Variants in GRID1 observed in about 807,000 individuals in gnomAD.
GRID1 encodes the protein glutamate ionotropic receptor delta type subunit 1.
Under a neutral mutation model 98.0 loss-of-function variants are expected in GRID1, and 28 were observed. The observed-to-expected ratio is 0.29, with a 90% CI of 0.21 to 0.39. GRID1 has a LOEUF of 0.39. GRID1 is among the 10% of genes least tolerant of loss of function. GRID1 has a pLI of 1.00. For synonymous variants in GRID1, 553 were observed against 538.5 expected, an observed-to-expected ratio of 1.03 and a Z score of -0.37; for missense variants, 1,111 against 1,340.5, an observed-to-expected ratio of 0.83 and a Z score of 2.67.
In GRID1 at chr10:85,599,788, T is replaced by TAAAAAAAAA. The variant is rs1220249442; in HGVS notation, c.*2476_*2484dup. 1 of 76,114 alleles carries TAAAAAAAAA rather than the reference T, an allele frequency of 1.3e-5. No homozygotes were observed. The highest frequency in any genetic ancestry group is 2.2e-5 in the Non-Finnish European group (1 of 44,664). The allele number at this position is 76,114 out of a possible 1,614,324, so 4.7% of individuals were successfully genotyped here. ...CCCTCATGCCAAGGGTAGAAAATTC[T>TAAAAAAAAA]AAAAAAAAAAAAAAATATATATATA... On this transcript the variant is annotated 3_prime_UTR_variant, in exon 16 of 16. Transcript: ENST00000327946.
At chr10:85,756,284 C>T (rs1309847110) in intron 8 of GRID1, among the ~76,000 whole-genome samples, 6 of 152,128 alleles carry the variant, frequency 3.9e-5, no homozygotes, top group South Asian at 2.1e-4. Context: ...ATAGAAGATT[C>T]GTTCTCGCCG....
chr10:86,281,756 A>G (rs1276882048), intron 2 of GRID1, among the ~76,000 whole-genome samples: 1 of 152,144 alleles, frequency 6.6e-6, no homozygotes, highest in Non-Finnish European at 1.5e-5. Context: ...CCCATGTCCC[A>G]TCTCCAGAAA....
At chr10:86,311,264 A>G (rs1847828227) in intron 2 of GRID1, among the ~76,000 whole-genome samples, 1 of 152,200 alleles carries the variant, frequency 6.6e-6, no homozygotes, top group Admixed American at 6.5e-5. Context: ...ACAGACTCAG[A>G]CTGTCAGACG....
At chr10:86,224,270 G>GCC (rs1292368323) in intron 2 of GRID1, among the ~76,000 whole-genome samples, 1 of 152,138 alleles carries the variant, frequency 6.6e-6, no homozygotes, top group African/African-American at 2.4e-5. Context: ...GGCTAAGTGA[G>GCC]CCCAAGTGTC....
At chr10:85,938,874 GAA>G (rs956297115) in intron 4 of GRID1, among the ~76,000 whole-genome samples, 5 of 151,994 alleles carry the variant, frequency 3.3e-5, no homozygotes, top group African/African-American at 1.2e-4. Flanking sequence ...ATATTCAACC[GAA>G]AAAAGTCACA....
chr10:85,967,686 A>G (rs1243793644), intron 4 of GRID1, among the ~76,000 whole-genome samples: 2 of 152,242 alleles, frequency 1.3e-5, no homozygotes, highest in Admixed American at 6.5e-5. Flanking sequence ...TTCTTGAATG[A>G]AGCTCAATCA....
intron 5 of GRID1, among the ~76,000 whole-genome samples, chr10:85,879,660 G>A (rs1165779179): frequency 1.3e-5 from 2 of 152,006 alleles, no homozygotes; most frequent in Admixed American, 1.3e-4. Flanking sequence ...ATGCCCACAA[G>A]AGAAAGCAGG....
intron 2 of GRID1, among the ~76,000 whole-genome samples, chr10:86,331,959 T>C (rs1236267583): frequency 1.3e-5 from 2 of 152,044 alleles, no homozygotes; most frequent in African/African-American, 4.8e-5. Flanking sequence ...GGCCATCCTG[T>C]TGGACAGGAA....
intron 8 of GRID1, among the ~76,000 whole-genome samples, chr10:85,794,389 T>C (rs1842506985): frequency 6.6e-6 from 1 of 152,230 alleles, no homozygotes; most frequent in African/African-American, 2.4e-5. Context: ...TGTCAGGCAG[T>C]GAATGTTTTC....
intron 8 of GRID1, among the ~76,000 whole-genome samples, chr10:85,758,089 A>G (rs1030036112): frequency 3.3e-5 from 5 of 152,114 alleles, no homozygotes; most frequent in Non-Finnish European, 7.4e-5. Flanking sequence ...CTGCACTCCC[A>G]CTCCTTGATT....
intron 8 of GRID1, among the ~76,000 whole-genome samples, chr10:85,815,994 A>T (rs1327491403): frequency 3.9e-5 from 6 of 152,026 alleles, no homozygotes; most frequent in South Asian, 2.1e-4. Flanking sequence ...AATTTAAAAA[A>T]ATATATATTA....
chr10:85,995,640 A>G (rs921795806), intron 4 of GRID1, among the ~76,000 whole-genome samples: 1 of 152,252 alleles, frequency 6.6e-6, no homozygotes, highest in Non-Finnish European at 1.5e-5. Context: ...GAAGAAAACA[A>G]GAATTCAAAG....
intron 4 of GRID1, among the ~76,000 whole-genome samples, chr10:86,058,038 C>A (rs1398418886): frequency 6.6e-6 from 1 of 151,964 alleles, no homozygotes; most frequent in Non-Finnish European, 1.5e-5. Context: ...ATCTTGGGAT[C>A]AAAATTTGAG....
chr10:86,046,289 A>C lies in GRID1; in HGVS notation c.726+92530T>G, dbSNP rs574736802. ...ACTGCTCTGAGCTGCTAATCTCAGC[A>C]CACTGCCTGTGGAGCACCCTACTTT... On this transcript the variant is annotated intron_variant, in intron 4 of 15. Coordinates refer to ENST00000327946, the MANE Select transcript of GRID1 (RefSeq NM_017551.3). 1.2e-4 allele frequency among the ~76,000 whole-genome samples: 19 copies of C among 152,334 alleles called. No individual in the cohort carries two copies. The South Asian group carries it at 3.9e-3, about 32-fold the overall frequency.
At chr10:86,335,674 G>A (rs1848212018) in intron 2 of GRID1, among the ~76,000 whole-genome samples, 1 of 152,208 alleles carries the variant, frequency 6.6e-6, no homozygotes, top group African/African-American at 2.4e-5. Flanking sequence ...CTCATTCACT[G>A]CTATATCCCC....
intron 8 of GRID1, among the ~76,000 whole-genome samples, chr10:85,789,623 T>C (rs1216874920): frequency 6.6e-6 from 1 of 152,180 alleles, no homozygotes; most frequent in African/African-American, 2.4e-5. Flanking sequence ...TGTAGCTTTA[T>C]GAATTCCTTT....
At chr10:85,758,685 C>T (rs943227713) in intron 8 of GRID1, among the ~76,000 whole-genome samples, 5 of 152,242 alleles carry the variant, frequency 3.3e-5, no homozygotes, top group African/African-American at 1.2e-4. Context: ...TGCAAAAGTG[C>T]GTGGGTACTG....
chr10:85,722,214 G>A (rs1387413494), intron 12 of GRID1, among the ~76,000 whole-genome samples: 1 of 152,122 alleles, frequency 6.6e-6, no homozygotes, highest in African/African-American at 2.4e-5. Flanking sequence ...ATGACAGTGA[G>A]TGTGATGAAT....
At chr10:86,269,199 G>A (rs1001021834) in intron 2 of GRID1, among the ~76,000 whole-genome samples, 2 of 152,164 alleles carry the variant, frequency 1.3e-5, no homozygotes, top group Non-Finnish European at 2.9e-5. Flanking sequence ...AGAACATTGA[G>A]AATTTTCCAT....
Sources: gnomAD v4.1 joint callset for allele counts (sites outside exome capture counted in the v4.1 genomes callset) on GRCh38, gnomAD v4.1.1 for gene constraint, MANE v1.5 for transcripts, NCBI Gene and HGNC (gene_info 2026-07-23, HGNC 2026-07-21) for gene names.